Variants in GPC5 observed in about 807,000 individuals in gnomAD.
GPC5 encodes glypican 5.
GPC5 carries 47 observed loss-of-function variants against 53.9 expected under a neutral mutation model. That is an observed-to-expected ratio of 0.87 (90% CI 0.69 to 1.11). GPC5 has a LOEUF of 1.11. Among genes scored for constraint, GPC5 ranks in the 50% most tolerant of loss-of-function variants. The pLI, the probability that GPC5 is intolerant of heterozygous loss-of-function variation, is 0.00. For missense variants in GPC5, 748 were observed against 713.1 expected, an observed-to-expected ratio of 1.05 and a Z score of -0.56; for synonymous variants, 286 against 263.3, an observed-to-expected ratio of 1.09 and a Z score of -0.84.
chr13:92,118,659 T>C (rs1229461121), intron 6 of GPC5, among the ~76,000 whole-genome samples: 3 of 152,212 alleles, frequency 2.0e-5, no homozygotes, highest in African/African-American at 7.2e-5. Flanking sequence ...AAAAAGCCCA[T>C]TAAACCCACC....
intron 5 of GPC5, among the ~76,000 whole-genome samples, chr13:91,814,969 A>T (rs565575964): frequency 3.9e-5 from 6 of 152,326 alleles, no homozygotes; most frequent in African/African-American, 1.4e-4. Flanking sequence ...TTGTTTAAAG[A>T]ATTGTATGAG....
chr13:91,736,499 C>A (rs2036818308), intron 4 of GPC5, among the ~76,000 whole-genome samples: 1 of 150,856 alleles, frequency 6.6e-6, no homozygotes, highest in Non-Finnish European at 1.5e-5. Context: ...ATTGTAGATA[C>A]AGTGACCATC....
chr13:91,652,647 G>A (rs1388787464), intron 2 of GPC5, among the ~76,000 whole-genome samples: 4 of 152,106 alleles, frequency 2.6e-5, no homozygotes, highest in Admixed American at 2.6e-4. Context: ...ACACTACTCA[G>A]AATGCCAAGC....
intron 6 of GPC5, among the ~76,000 whole-genome samples, chr13:92,062,153 T>A (rs992284340): frequency 6.6e-6 from 1 of 151,974 alleles, no homozygotes; most frequent in Middle Eastern, 3.4e-3. Context: ...TTTGCTTGAT[T>A]TTTTTGGGGG....
At chr13:92,161,037 GTGT>G (rs2041984128) in intron 7 of GPC5, among the ~76,000 whole-genome samples, 1 of 47,364 alleles carries the variant, frequency 2.1e-5, no homozygotes, top group South Asian at 1.3e-3. Flanking sequence ...TCGCTCAAAA[GTGT>G]TTTTTTTTTT....
chr13:91,445,667 G>GT (rs1880751366), intron 1 of GPC5, among the ~76,000 whole-genome samples: 1 of 152,038 alleles, frequency 6.6e-6, no homozygotes, highest in South Asian at 2.1e-4. Flanking sequence ...TAGAGATGGG[G>GT]TTTTGCCATG....
intron 6 of GPC5, among the ~76,000 whole-genome samples, chr13:92,046,493 AAAG>A (rs2040983023): frequency 2.6e-5 from 4 of 152,342 alleles, no homozygotes; most frequent in South Asian, 4.1e-4. Flanking sequence ...CTGAGGATCA[AAAG>A]AAGATTATTC....
chr13:92,368,865 T>A (rs1289022923), intron 7 of GPC5, among the ~76,000 whole-genome samples: 1 of 152,124 alleles, frequency 6.6e-6, no homozygotes, highest in Non-Finnish European at 1.5e-5. Context: ...GTAGGAAGAA[T>A]TCCCTTTGGT....
chr13:92,275,068 C>T (rs1342835736), intron 7 of GPC5, among the ~76,000 whole-genome samples: 1 of 151,140 alleles, frequency 6.6e-6, no homozygotes, highest in African/African-American at 2.4e-5. Flanking sequence ...GAATTTGCTT[C>T]ACTTTATTCA....
intron 7 of GPC5, among the ~76,000 whole-genome samples, chr13:92,482,099 C>A (rs2139434246): frequency 6.6e-6 from 1 of 151,964 alleles, no homozygotes; most frequent in African/African-American, 2.4e-5. Context: ...CCATTGCACT[C>A]CAGCCTGGGC....
intron 7 of GPC5, among the ~76,000 whole-genome samples, chr13:92,470,220 G>A (rs971231035): frequency 4.6e-5 from 7 of 152,098 alleles, no homozygotes; most frequent in African/African-American, 1.2e-4. Flanking sequence ...ATTAAAAGAG[G>A]TCTACTATAT....
At chr13:92,352,381 T>C (rs1025249192) in intron 7 of GPC5, among the ~76,000 whole-genome samples, 5 of 152,198 alleles carry the variant, frequency 3.3e-5, no homozygotes, top group Non-Finnish European at 7.3e-5. Context: ...TGTTTAATTA[T>C]ATTAAGAGAA....
chr13:92,708,163 A>T (rs780634916), intron 7 of GPC5, among the ~76,000 whole-genome samples: 1 of 152,188 alleles, frequency 6.6e-6, no homozygotes, highest in Non-Finnish European at 1.5e-5. Flanking sequence ...ACTAACTTCA[A>T]ATCCAAAGAT....
intron 5 of GPC5, among the ~76,000 whole-genome samples, chr13:91,813,306 G>T (rs1470712922): frequency 6.6e-6 from 1 of 152,176 alleles, no homozygotes; most frequent in African/African-American, 2.4e-5. Context: ...CCTGCTGAAA[G>T]CTCCCTTGCT....
chr13:91,975,477 C>T (rs61966391), intron 6 of GPC5, among the ~76,000 whole-genome samples: 5 of 152,126 alleles, frequency 3.3e-5, no homozygotes, highest in South Asian at 2.1e-4. Context: ...AACAGACACT[C>T]CTCAAAAGAA....
chr13:92,201,190 C>T (rs749277647), intron 7 of GPC5, among the ~76,000 whole-genome samples: 55 of 152,086 alleles, frequency 3.6e-4, no homozygotes, highest in African/African-American at 1.7e-4. Flanking sequence ...ATTATTTATG[C>T]CTTTCACTCT....
At chr13:92,315,010 C>A (rs1464492335) in intron 7 of GPC5, among the ~76,000 whole-genome samples, 1 of 152,152 alleles carries the variant, frequency 6.6e-6, no homozygotes, top group African/African-American at 2.4e-5. Context: ...CTCTTAGGCT[C>A]AAGTGATCCT....
At chr13:92,314,681 C>G (rs187237578) in intron 7 of GPC5, among the ~76,000 whole-genome samples, 5 of 152,206 alleles carry the variant, frequency 3.3e-5, no homozygotes, top group South Asian at 4.1e-4. Flanking sequence ...AGGGAAATAA[C>G]TGTAAGTAGA....
intron 7 of GPC5, among the ~76,000 whole-genome samples, chr13:92,370,990 T>C (rs1052408460): frequency 6.6e-6 from 1 of 151,694 alleles, no homozygotes; most frequent in Non-Finnish European, 1.5e-5. Flanking sequence ...CTCTACTAAA[T>C]ATACAAAAAT....
Sources: allele counts gnomAD v4.1 joint callset (sites outside exome capture counted in the v4.1 genomes callset), GRCh38; gene constraint gnomAD v4.1.1; transcripts MANE v1.5; gene names NCBI Gene and HGNC (gene_info 2026-07-23, HGNC 2026-07-21).